EIF2AK4: variants seen among roughly 807,000 people sequenced by gnomAD.
EIF2AK4 encodes the protein eukaryotic translation initiation factor 2 alpha kinase 4, also known as eIF-2-alpha kinase GCN2.
Under a neutral mutation model 211.1 loss-of-function variants are expected in EIF2AK4, and 139 were observed. That is an observed-to-expected ratio of 0.66 (90% CI 0.57 to 0.76). The LOEUF is 0.76. Ranked by LOEUF, EIF2AK4 falls within the 30% of genes least tolerant of loss-of-function variation. EIF2AK4 has a pLI of 0.00. For missense variants in EIF2AK4, 1,664 were observed against 2,043.8 expected, an observed-to-expected ratio of 0.81 and a Z score of 3.58; for synonymous variants, 710 against 751.3, an observed-to-expected ratio of 0.94 and a Z score of 0.90.
chr15:40,027,025 A>T (rs948372173), intron 33 of EIF2AK4, among the ~76,000 whole-genome samples: 7 of 152,226 alleles, frequency 4.6e-5, no homozygotes, highest in Admixed American at 1.3e-4. Flanking sequence ...TGTGAGTTAT[A>T]TCTATAAATA....
At chr15:40,018,918 T>C (rs1468807604) in intron 29 of EIF2AK4, among the ~76,000 whole-genome samples, 175 bp from the exon 30 acceptor site, 2 of 152,246 alleles carry the variant, frequency 1.3e-5, no homozygotes, top group African/African-American at 2.4e-5. Flanking sequence ...GTTAATATTT[T>C]TTCTAAATTT....
chr15:39,937,834 G>C (rs1484860300), intron 1 of EIF2AK4, among the ~76,000 whole-genome samples: 1 of 152,082 alleles, frequency 6.6e-6, no homozygotes, highest in Non-Finnish European at 1.5e-5. Context: ...GAATTTTTCA[G>C]TGTCTTCCAC....
At chr15:39,995,705 A>AT (rs897865422) in intron 18 of EIF2AK4, among the ~76,000 whole-genome samples, 1 of 144,484 alleles carries the variant, frequency 6.9e-6, no homozygotes, top group Non-Finnish European at 1.5e-5. Flanking sequence ...TTTATTTTTT[A>AT]TTTTTTTCCT....
chr15:40,031,226 C>T (rs2035538822), intron 35 of EIF2AK4, among the ~76,000 whole-genome samples: 1 of 152,076 alleles, frequency 6.6e-6, no homozygotes, highest in Non-Finnish European at 1.5e-5. Context: ...GGCAACAGAG[C>T]AAGACTTTGT....
At chr15:39,998,067 G>T (rs139823452) in intron 19 of EIF2AK4, among the ~76,000 whole-genome samples, 5 of 152,152 alleles carry the variant, frequency 3.3e-5, no homozygotes, top group Non-Finnish European at 7.4e-5. Flanking sequence ...AGCTGTGTTC[G>T]TAAAGTATAG....
At chr15:40,024,287 A>G (rs1387459780) in intron 32 of EIF2AK4, among the ~76,000 whole-genome samples, 1 of 149,594 alleles carries the variant, frequency 6.7e-6, no homozygotes, top group African/African-American at 2.5e-5. Context: ...GGCTCAAGCA[A>G]TCTTCTCACC....
intron 21 of EIF2AK4, among the ~76,000 whole-genome samples, chr15:40,001,442 C>G (rs940861563): frequency 3.9e-5 from 6 of 152,046 alleles, no homozygotes; most frequent in African/African-American, 1.4e-4. Context: ...TTCCTCCTCC[C>G]TACCCACCCA....
At chr15:39,982,770 A>T (rs565083609) in intron 13 of EIF2AK4, among the ~76,000 whole-genome samples, 1 of 151,786 alleles carries the variant, frequency 6.6e-6, no homozygotes, top group South Asian at 2.1e-4. Context: ...TCATTGTTCA[A>T]CTCCCACTTA....
At chr15:39,979,654 C>G (rs954339720) in intron 13 of EIF2AK4, among the ~76,000 whole-genome samples, 3 of 152,118 alleles carry the variant, frequency 2.0e-5, no homozygotes, top group Non-Finnish European at 2.9e-5. Flanking sequence ...GAGAAAATGT[C>G]TTTTTGCCCA....
intron 32 of EIF2AK4, among the ~76,000 whole-genome samples, chr15:40,025,630 C>G (rs574500283): frequency 5.9e-5 from 9 of 152,102 alleles, no homozygotes; most frequent in African/African-American, 1.7e-4. Flanking sequence ...GAAATGAGAG[C>G]CCATTCATCT....
intron 9 of EIF2AK4, 28 bp from the exon 10 acceptor site, chr15:39,972,880 C>A: frequency 6.3e-7 from 1 of 1,584,380 alleles, no homozygotes; most frequent in Non-Finnish European, 8.7e-7. Flanking sequence ...GTTTGTGATG[C>A]TAAGATTCTT....
chr15:40,024,403 C>CTTTTTTTTT, intron 32 of EIF2AK4, among the ~76,000 whole-genome samples: 1 of 90,744 alleles, frequency 1.1e-5, no homozygotes. Flanking sequence ...TTGAGTTTTC[C>CTTTTTTTTT]TTTTTTTTTT....
chr15:39,976,668 C>T lies in EIF2AK4; in HGVS notation c.2073C>T (p.Asp691=), dbSNP rs1444182685. 9 of 1,604,242 alleles carry T rather than the reference C, an allele frequency of 5.6e-6. No individual in the cohort carries two copies. The highest frequency in any genetic ancestry group is 3.4e-5 in the Admixed American group (2 of 59,660). The part of the protein sequence containing the change: ...AARGQPASDT[D]GLDSVEAAAP... ...GCGGGCAGCCGGCGAGCGACACAGA[C>T]GGCCTGGACAGCGTAGAGGCCGCCG... The change falls in exon 12 of 39, where the codon GAC becomes GAT. Residue 691 remains aspartate (D), a synonymous_variant. Coordinates refer to ENST00000263791, the MANE Select transcript of EIF2AK4 (RefSeq NM_001013703.4).
intron 1 of EIF2AK4, among the ~76,000 whole-genome samples, chr15:39,938,417 A>G (rs948419322): frequency 6.6e-6 from 1 of 152,248 alleles, no homozygotes; most frequent in Non-Finnish European, 1.5e-5. Flanking sequence ...AATTTTGTAC[A>G]CATAGTAGAA....
intron 27 of EIF2AK4, among the ~76,000 whole-genome samples, chr15:40,015,633 T>C (rs2035293723): frequency 6.6e-6 from 1 of 152,190 alleles, no homozygotes; most frequent in Non-Finnish European, 1.5e-5. Flanking sequence ...ATCAAGATTA[T>C]AGGAGGTTTT....
At position 39,998,764 on chromosome 15, in the gene EIF2AK4, G is replaced by T. The variant is rs768571345; in HGVS notation, c.2902G>T (p.Asp968Tyr). The change falls in exon 20 of 39, where the codon GAT (aspartate) becomes TAT (tyrosine). Residue 968 changes from aspartate (D) to tyrosine (Y), a missense_variant. By Grantham distance (160) the Asp-to-Tyr change is radical. Coordinates refer to ENST00000263791, the MANE Select transcript of EIF2AK4 (RefSeq NM_001013703.4). ...GCCTAAGTTTCCAGAAGACTTTGAC[G>T]ATGGAGAGCATGCAAAGCAGGTAAT... Reference protein sequence around the residue: ...TSPKFPEDFDDGEHAKQKSVI... With the variant: ...TSPKFPEDFDYGEHAKQKSVI... 3 of 1,612,690 alleles carry T rather than the reference G, an allele frequency of 1.9e-6. No homozygotes were observed. Among genetic ancestry groups the T allele is most frequent in the Non-Finnish European group, 2.5e-6 (3 of 1,179,270 alleles).
chr15:40,026,539 G>A (rs1231598634), intron 33 of EIF2AK4, among the ~76,000 whole-genome samples: 1 of 152,194 alleles, frequency 6.6e-6, no homozygotes, highest in African/African-American at 2.4e-5. Context: ...CCATTCTGTT[G>A]CTTCTGAATA....
chr15:39,947,906 A>G (rs2034251524), intron 3 of EIF2AK4, among the ~76,000 whole-genome samples: 1 of 152,246 alleles, frequency 6.6e-6, no homozygotes, highest in Admixed American at 6.5e-5. Flanking sequence ...TAGAACAGCA[A>G]AAGAAAAACC....
intron 4 of EIF2AK4, among the ~76,000 whole-genome samples, chr15:39,953,037 G>A (rs990224719): frequency 5.9e-5 from 9 of 151,932 alleles, no homozygotes; most frequent in African/African-American, 1.9e-4. Flanking sequence ...TAGTAGAGAC[G>A]GGCTTTTGCC....
Sources: allele counts gnomAD v4.1 joint callset (sites outside exome capture counted in the v4.1 genomes callset), GRCh38; gene constraint gnomAD v4.1.1; transcripts MANE v1.5; gene names NCBI Gene and HGNC (gene_info 2026-07-23, HGNC 2026-07-21).